PROB1: variants seen among roughly 807,000 people sequenced by gnomAD.
PROB1 encodes proline-rich basic protein 1.
For synonymous variants in PROB1, 660 were observed against 699.3 expected (o/e 0.94, Z 0.89); for missense variants, 1,453 against 1,485.7 (o/e 0.98, Z 0.36).
chr5:139,393,476 C>T lies in PROB1; in HGVS notation c.1606G>A (p.Glu536Lys), dbSNP rs1162274193. 9 of 1,551,542 alleles carry T rather than the reference C, an allele frequency of 5.8e-6. No individual in the cohort carries two copies. In the Admixed American group the frequency reaches 1.8e-4, roughly 30 times the overall value. Reference protein sequence around the residue: ...GPGSSIAFTQEAQNGLTQEEL... With the variant: ...GPGSSIAFTQKAQNGLTQEEL... ...TCCTGAGTTAACCCATTCTGAGCTT[C>T]CTGAGTAAATGCTATCGATGAGCCC... is the stretch of plus-strand genomic sequence containing the variant. Residue 536 changes from glutamate (E) to lysine (K), a missense_variant, in exon 1 of 1, where the codon GAA becomes AAA. Glu to Lys is a moderately conservative substitution (Grantham distance 56, BLOSUM62 1). Transcript: ENST00000434752.
Position 139,393,540 on chromosome 5 carries a change from C to G in PROB1, c.1542G>C (p.Trp514Cys). ...WEAPDRPIGTWGPSPQETWDP... is the reference protein window; with the variant it reads ...WEAPDRPIGTCGPSPQETWDP... ...CCCATGTCTCTTGGGGAGATGGGCC[C>G]CAAGTTCCAATAGGACGATCTGGAG... The change falls in exon 1 of 1, where the codon TGG becomes TGC. Residue 514 changes from tryptophan to cysteine, a missense_variant. Trp to Cys is a radical substitution (Grantham distance 215). Coordinates refer to ENST00000434752, the MANE Select transcript of PROB1 (RefSeq NM_001161546.2). 4 of 1,551,260 alleles carry G rather than the reference C, an allele frequency of 2.6e-6. No homozygotes were observed. Among genetic ancestry groups the G allele is most frequent in the Non-Finnish European group, 3.5e-6 (4 of 1,146,840 alleles).
In PROB1 at chr5:139,394,406, G is replaced by C; in HGVS notation, c.676C>G (p.Pro226Ala). ...PQSPPRAAGA[P>A]RPRLLLRTGS... is the part of the protein sequence containing the mutation. Reference sequence around the variant, plus strand: ...GTGCGCAGGAGCAGCCGGGGGCGCGGCGCGCCGGCCGCCCTTGGGGGACTC... The same window carrying C: ...GTGCGCAGGAGCAGCCGGGGGCGCGCCGCGCCGGCCGCCCTTGGGGGACTC... Residue 226 changes from proline (P) to alanine (A), a missense_variant, in exon 1 of 1, where the codon CCG (proline) becomes GCG (alanine). Pro to Ala is a conservative substitution (Grantham distance 27). Transcript: ENST00000434752. The C allele has an allele frequency of 2.2e-6, 3 of 1,389,554 alleles. No homozygotes were observed. Among genetic ancestry groups the C allele is most frequent in the Non-Finnish European group, 2.8e-6 (3 of 1,080,046 alleles). 86.1% of individuals were successfully genotyped at this position (1,389,554 alleles called of 1,614,324 possible). A position where few individuals can be genotyped will look rare whatever the true frequency, so the allele number is the denominator to read the frequency against.
chr5:139,392,707 C>T lies in PROB1; in HGVS notation c.2375G>A (p.Gly792Glu), dbSNP rs775255636. The T allele has an allele frequency of 7.1e-7, 1 of 1,406,950 alleles. No individual in the cohort carries two copies. 87.2% of individuals were successfully genotyped at this position (1,406,950 alleles called of 1,614,324 possible). A position where few individuals can be genotyped will look rare whatever the true frequency, so the allele number is the denominator to read the frequency against. Reference protein sequence around the residue: ...ARSSSQRSPVGPAGVRSPRPG... With the variant: ...ARSSSQRSPVEPAGVRSPRPG... ...GCGGGGCGATCGGACCCCTGCTGGC[C>T]CTACGGGGGAGCGCTGGGATGAGCT... Residue 792 changes from glycine to glutamate, a missense_variant, in exon 1 of 1, where the codon GGG becomes GAG. Transcript: ENST00000434752. This position sits in a 1 kb window ranked among gnomAD's most constrained non-coding sequence, Gnocchi z 5.8.
In PROB1 at chr5:139,392,232, G is replaced by A. The variant is rs118092594; in HGVS notation, c.2850C>T (p.Leu950=). 407 of 1,452,674 alleles carry A rather than the reference G, an allele frequency of 2.8e-4. 3 individuals are homozygous for A. The East Asian group carries it at 0.01, about 36-fold the overall frequency. The allele number at this position is 1,452,674 out of a possible 1,614,324, so 90.0% of individuals were successfully genotyped here. A position where few individuals can be genotyped will look rare whatever the true frequency, so the allele number is the denominator to read the frequency against. The change falls in exon 1 of 1, where the codon CTC becomes CTT. Residue 950 remains leucine (L), a synonymous_variant. Coordinates refer to ENST00000434752, the MANE Select transcript of PROB1 (RefSeq NM_001161546.2). This position sits in a 1 kb window ranked among gnomAD's most constrained non-coding sequence, Gnocchi z 5.8. ...YPPAYGPIPS[L]SLPPSPGPQA... ...GCGGGCCCGGGGACGGTGGCAGAGAGAGGCTGGGTATAGGCCCATAGGCGG... is the reference window on the plus strand; with the variant it reads ...GCGGGCCCGGGGACGGTGGCAGAGAAAGGCTGGGTATAGGCCCATAGGCGG...
chr5:139,394,483 G>T lies in PROB1; in HGVS notation c.599C>A (p.Ala200Asp). 1 of 1,422,880 alleles carries T rather than the reference G, an allele frequency of 7.0e-7. No homozygotes were observed. Among genetic ancestry groups the T allele is most frequent in the South Asian group, 1.5e-5 (1 of 66,624 alleles). 88.1% of individuals were successfully genotyped at this position (1,422,880 alleles called of 1,614,324 possible). ...EVALEEGAAP[A>D]RPRTVPKRQI... Reference sequence around the variant, plus strand: ...ACGCTTGGGCACTGTCCGGGGCCTGGCGGGCGCGGCGCCCTCCTCCAGAGC... The same window carrying T: ...ACGCTTGGGCACTGTCCGGGGCCTGTCGGGCGCGGCGCCCTCCTCCAGAGC... The change falls in exon 1 of 1, where the codon GCC becomes GAC. Residue 200 changes from alanine to aspartate, a missense_variant. By Grantham distance (126) the Ala-to-Asp change is moderately radical (BLOSUM62 -2). Transcript: ENST00000434752.
rs1373787080 is a variant in PROB1 at position 139,394,992 on chromosome 5, C to G, written c.90G>C (p.Ser30=). ...APARRQDSSG[S]SGSYYTAPGS... is the part of the protein sequence containing the mutation. ...CTGGAGCCGTGTAGTAGGAGCCTGACGAACCGGAGGAGTCCTGGCGCCGCG... is the reference window on the plus strand; with the variant it reads ...CTGGAGCCGTGTAGTAGGAGCCTGAGGAACCGGAGGAGTCCTGGCGCCGCG... Residue 30 remains serine, a synonymous_variant, in exon 1 of 1, where the codon TCG becomes TCC. Transcript: ENST00000434752. The G allele has an allele frequency of 5.3e-6, 8 of 1,500,696 alleles. No homozygotes were observed. The highest frequency in any genetic ancestry group is 7.1e-6 in the Non-Finnish European group (8 of 1,127,306). The allele number at this position is 1,500,696 out of a possible 1,614,324, so 93.0% of individuals were successfully genotyped here.
In PROB1 at chr5:139,393,412, G is replaced by A; in HGVS notation, c.1670C>T (p.Pro557Leu). ...TGGACTCTGCATCTCTGTTGGTTCT[G>A]GAGTGCCGGGTGCGGACGGTGTAGG... ...APPTPSAPGT[P>L]EPTEMQSPST... Residue 557 changes from proline to leucine, a missense_variant, in exon 1 of 1, where the codon CCA (proline) becomes CTA (leucine). Transcript: ENST00000434752. 1 of 1,551,686 alleles carries A rather than the reference G, an allele frequency of 6.4e-7. No individual in the cohort carries two copies. The highest frequency in any genetic ancestry group is 1.7e-4 in the Middle Eastern group (1 of 5,992).
Position 139,392,224 on chromosome 5 carries a change from G to C in PROB1, c.2858C>G (p.Pro953Arg). Residue 953 changes from proline to arginine, a missense_variant, in exon 1 of 1, where the codon CCA becomes CGA. Transcript: ENST00000434752. The surrounding 1 kb of genome is among the most constrained non-coding windows in gnomAD (Gnocchi z 5.8). ...AYGPIPSLSLPPSPGPQALGS... is the reference protein window; with the variant it reads ...AYGPIPSLSLRPSPGPQALGS... ...GAGGGCCTGCGGGCCCGGGGACGGT[G>C]GCAGAGAGAGGCTGGGTATAGGCCC... 1 of 1,447,214 alleles carries C rather than the reference G, an allele frequency of 6.9e-7. No homozygotes were observed. The highest frequency in any genetic ancestry group is 9.1e-7 in the Non-Finnish European group (1 of 1,093,930). The allele number at this position is 1,447,214 out of a possible 1,614,324, so 89.6% of individuals were successfully genotyped here. A position where few individuals can be genotyped will look rare whatever the true frequency, so the allele number is the denominator to read the frequency against.
chr5:139,393,008 G>T lies in PROB1; in HGVS notation c.2074C>A (p.Pro692Thr). The T allele has an allele frequency of 6.6e-7, 1 of 1,520,788 alleles. No homozygotes were observed. Among genetic ancestry groups the T allele is most frequent in the Non-Finnish European group, 8.8e-7 (1 of 1,132,176 alleles). The allele number at this position is 1,520,788 out of a possible 1,614,324, so 94.2% of individuals were successfully genotyped here. A position where few individuals can be genotyped will look rare whatever the true frequency, so the allele number is the denominator to read the frequency against. Residue 692 changes from proline to threonine, a missense_variant, in exon 1 of 1, where the codon CCG (proline) becomes ACG (threonine). Pro to Thr is a conservative substitution (Grantham distance 38). Transcript: ENST00000434752. ...GGTTCAGGAGGCTCGTAGGGGTGCG[G>T]CACCACCGGTAGAAAATCCTTGATG... ...VFIKDFLPVV[P>T]HPYEPPEPSF...
chr5:139,393,669 C>G lies in PROB1; in HGVS notation c.1413G>C (p.Pro471=), dbSNP rs780987978. The change falls in exon 1 of 1, where the codon CCG becomes CCC. Residue 471 remains proline, a synonymous_variant. Coordinates refer to ENST00000434752, the MANE Select transcript of PROB1 (RefSeq NM_001161546.2). ...CCCACAGGGAAGGGGCTTCGAGGGA[C>G]GGGCTCCTTTCCCCAGCAACACACT... ...WNQCVAGERS[P]SLEAPSLWEI... 6.4e-7 allele frequency: 1 copy of G among 1,550,896 alleles called. No individual in the cohort carries two copies. The highest frequency in any genetic ancestry group is 1.2e-5 in the South Asian group (1 of 84,052).
chr5:139,392,863 G>A lies in PROB1; in HGVS notation c.2219C>T (p.Ala740Val), dbSNP rs1320225293. 9 of 1,543,682 alleles carry A rather than the reference G, an allele frequency of 5.8e-6. No individual in the cohort carries two copies. The highest frequency in any genetic ancestry group is 7.0e-6 in the Non-Finnish European group (8 of 1,143,460). ...GGTTACCTCGGGCCGGCGACCCAAG[G>A]CCAGGGCCCCAGGCAGGCGGATCTC... is the stretch of plus-strand genomic sequence containing the variant. The part of the protein sequence containing the change: ...RTEIRLPGAL[A>V]LGRRPEVTSR... Residue 740 changes from alanine (A) to valine (V), a missense_variant, in exon 1 of 1, where the codon GCC (alanine) becomes GTC (valine). Ala to Val is a moderately conservative substitution (Grantham distance 64). Coordinates refer to ENST00000434752, the MANE Select transcript of PROB1 (RefSeq NM_001161546.2). The surrounding 1 kb of genome is among the most constrained non-coding windows in gnomAD (Gnocchi z 5.8).
Position 139,394,716 on chromosome 5 carries a change from G to A in PROB1, c.366C>T (p.Gly122=). 1 of 1,532,640 alleles carries A rather than the reference G, an allele frequency of 6.5e-7. No homozygotes were observed. Among genetic ancestry groups the A allele is most frequent in the Non-Finnish European group, 8.7e-7 (1 of 1,144,308 alleles). 94.9% of individuals were successfully genotyped at this position (1,532,640 alleles called of 1,614,324 possible). A position where few individuals can be genotyped will look rare whatever the true frequency, so the allele number is the denominator to read the frequency against. The change falls in exon 1 of 1, where the codon GGC becomes GGT. Residue 122 remains glycine (G), a synonymous_variant. Coordinates refer to ENST00000434752, the MANE Select transcript of PROB1 (RefSeq NM_001161546.2). ...CCTCGCGATCGTCTGCGCCGGAGCA[G>A]CCGAACAGGGGTCCGACGCCGAAGA... The part of the protein sequence containing the change: ...EVIFGVGPLF[G]CSGADDREAQ...
Position 139,394,003 on chromosome 5 carries a change from C to A in PROB1, c.1079G>T (p.Arg360Leu), listed in dbSNP as rs1172467483. 2.6e-6 allele frequency: 4 copies of A among 1,550,656 alleles called. No homozygotes were observed. The East Asian group carries it at 7.3e-5, about 28-fold the overall frequency. ...IQEARKTRFP[R>L]EAPDRTVQRA... The stretch of plus-strand genomic sequence containing the variant: ...CTGAACAGTTCGATCCGGCGCCTCT[C>A]GCGGGAACCGAGTCTTCCGCGCCTC... Residue 360 changes from arginine to leucine, a missense_variant, in exon 1 of 1, where the codon CGA (arginine) becomes CTA (leucine). Arg to Leu is a moderately radical substitution (Grantham distance 102). Coordinates refer to ENST00000434752, the MANE Select transcript of PROB1 (RefSeq NM_001161546.2).
rs1409783953 is a variant in PROB1 at position 139,393,836 on chromosome 5, A to G, written c.1246T>C (p.Ser416Pro). The change falls in exon 1 of 1, where the codon TCC (serine) becomes CCC (proline). Residue 416 changes from serine to proline, a missense_variant. Coordinates refer to ENST00000434752, the MANE Select transcript of PROB1 (RefSeq NM_001161546.2). Reference protein sequence around the residue: ...GPRCPSPQNLSPWDRTTRRVS... With the variant: ...GPRCPSPQNLPPWDRTTRRVS... Reference sequence around the variant, plus strand: ...CTCCGAGTAGTCCGATCCCACGGGGACAGGTTCTGGGGCGACGGGCAGCGA... The same window carrying G: ...CTCCGAGTAGTCCGATCCCACGGGGGCAGGTTCTGGGGCGACGGGCAGCGA... 1 of 1,550,764 alleles carries G rather than the reference A, an allele frequency of 6.4e-7. No individual in the cohort carries two copies. The highest frequency in any genetic ancestry group is 2.0e-5 in the Admixed American group (1 of 50,984).
At position 139,393,506 on chromosome 5, in the gene PROB1, C is replaced by G. The variant is rs1419337332; in HGVS notation, c.1576G>C (p.Gly526Arg). The change falls in exon 1 of 1, where the codon GGG becomes CGG. Residue 526 changes from glycine to arginine, a missense_variant. Physicochemically the swap from Gly to Arg is moderately radical, Grantham distance 125 (BLOSUM62 -2). Coordinates refer to ENST00000434752, the MANE Select transcript of PROB1 (RefSeq NM_001161546.2). ...GTAAATGCTATCGATGAGCCCGGCC[C>G]CATGGGATCCCATGTCTCTTGGGGA... Reference protein sequence around the residue: ...PSPQETWDPMGPGSSIAFTQE... With the variant: ...PSPQETWDPMRPGSSIAFTQE... 1.3e-6 allele frequency: 2 copies of G among 1,551,456 alleles called. No individual in the cohort carries two copies. The highest frequency in any genetic ancestry group is 3.9e-5 in the Admixed American group (2 of 50,988).
rs1327045762 is a variant in PROB1, at chr5:139,392,208, C to T, written c.2874G>A (p.Pro958=). Residue 958 remains proline (P), a synonymous_variant, in exon 1 of 1, where the codon CCG becomes CCA. Transcript: ENST00000434752. The surrounding 1 kb of genome is among the most constrained non-coding windows in gnomAD (Gnocchi z 5.8). ...GTAGCTGGGGGCTGCCGAGGGCCTG[C>T]GGGCCCGGGGACGGTGGCAGAGAGA... ...PSLSLPPSPG[P]QALGSPQLPW... is the part of the protein sequence containing the mutation. 5.6e-6 allele frequency: 8 copies of T among 1,427,194 alleles called. No homozygotes were observed. The highest frequency in any genetic ancestry group is 7.4e-6 in the Non-Finnish European group (8 of 1,083,956). 88.4% of individuals were successfully genotyped at this position (1,427,194 alleles called of 1,614,324 possible).
chr5:139,395,067 G>A lies in PROB1; in HGVS notation c.15C>T (p.Leu5=), dbSNP rs1338986869. The part of the protein sequence containing the change: MLTA[L]APPALPGIPR... ...GGATCCCAGGCAGGGCTGGCGGGGC[G>A]AGCGCGGTCAGCATGGTGGGGCCGG... Residue 5 remains leucine, a synonymous_variant, in exon 1 of 1, where the codon CTC becomes CTT. Coordinates refer to ENST00000434752, the MANE Select transcript of PROB1 (RefSeq NM_001161546.2). 3.5e-6 allele frequency: 5 copies of A among 1,409,074 alleles called. No individual in the cohort carries two copies. Among genetic ancestry groups the A allele is most frequent in the African/African-American group, 1.5e-5 (1 of 65,456 alleles). 87.3% of individuals were successfully genotyped at this position (1,409,074 alleles called of 1,614,324 possible).
rs1363283442 is a variant in PROB1, at chr5:139,393,662, C to T, written c.1420G>A (p.Glu474Lys). 6.4e-7 allele frequency: 1 copy of T among 1,550,546 alleles called. No individual in the cohort carries two copies. Residue 474 changes from glutamate (E) to lysine (K), a missense_variant, in exon 1 of 1, where the codon GAA becomes AAA. Transcript: ENST00000434752. Reference protein sequence around the residue: ...CVAGERSPSLEAPSLWEIPHS... With the variant: ...CVAGERSPSLKAPSLWEIPHS... ...GGAATCTCCCACAGGGAAGGGGCTTCGAGGGACGGGCTCCTTTCCCCAGCA... is the reference window on the plus strand; with the variant it reads ...GGAATCTCCCACAGGGAAGGGGCTTTGAGGGACGGGCTCCTTTCCCCAGCA...
rs1758670109 is a variant in PROB1 at position 139,394,909 on chromosome 5, C to T, written c.173G>A (p.Trp58Ter). The change falls in exon 1 of 1, where the codon TGG becomes TAG. Residue 58 changes from tryptophan (W) to a stop codon, truncating the protein, a stop_gained. Coordinates refer to ENST00000434752, the MANE Select transcript of PROB1 (RefSeq NM_001161546.2). LOFTEE classifies it low-confidence loss of function (END_TRUNC). ...PDAKGPANWP[W>*]VAPGRGAGAQ... is the part of the protein sequence containing the mutation. ...GCCCGCCCCCCGCCCAGGAGCCACC[C>T]AGGGCCAATTCGCTGGGCCTTTCGC... 2.6e-6 allele frequency: 4 copies of T among 1,517,802 alleles called. No individual in the cohort carries two copies. Among genetic ancestry groups the T allele is most frequent in the Non-Finnish European group, 1.8e-6 (2 of 1,134,256 alleles). 94.0% of individuals were successfully genotyped at this position (1,517,802 alleles called of 1,614,324 possible). A position where few individuals can be genotyped will look rare whatever the true frequency, so the allele number is the denominator to read the frequency against.
Sources: gnomAD v4.1 joint callset for allele counts on GRCh38, gnomAD v4.1.1 for gene constraint, Gnocchi (gnomAD v3.1) non-coding constraint, MANE v1.5 for transcripts, NCBI Gene and HGNC (gene_info 2026-07-23, HGNC 2026-07-21) for gene names.